The following GMPPB variants were observed in gnomAD, a reference collection of about 807,000 sequenced individuals.
GMPPB encodes the protein GDP-mannose pyrophosphorylase B.
Under a neutral mutation model 40.3 loss-of-function variants are expected in GMPPB, and 38 were observed. The ratio of observed to expected loss-of-function variants is 0.94; its 90% CI spans 0.73 to 1.24. The LOEUF (loss-of-function observed/expected upper bound fraction) is 1.24. GMPPB is among the 50% of genes most tolerant of loss of function. The probability of loss-of-function intolerance (pLI) is 0.00; values close to 1 mark genes in which losing one functional copy is unlikely to be tolerated. For synonymous variants in GMPPB, 193 were observed against 191.8 expected (o/e 1.01, Z -0.05); for missense variants, 436 against 487.1 (o/e 0.90, Z 0.99).
chr3:49,723,529 C>T (rs1465812322), intron 1 of GMPPB, 57 bp from the exon 2 acceptor site: 5 of 1,611,256 alleles, frequency 3.1e-6, no homozygotes, highest in Admixed American at 1.7e-5. Context: ...AGCCCCTGAC[C>T]CCTAGTCGCT....
chr3:49,721,269 G>C lies in GMPPB; in HGVS notation c.*483C>G. On this transcript the variant is annotated 3_prime_UTR_variant, in exon 9 of 9. Transcript: ENST00000308388. ...TCGTGTCTGTAGAGGACTGGGAGAA[G>C]GGAGCCAATACGAGTACTACCTCCT... 6.2e-7 allele frequency: 1 copy of C among 1,614,194 alleles called. No homozygotes were observed. The highest frequency in any genetic ancestry group is 1.6e-4 in the Middle Eastern group (1 of 6,062).
rs1559696022 is a variant in GMPPB, at chr3:49,721,763, T to TA, written c.1071dup (p.Ile358TyrfsTer25). 1 of 1,602,990 alleles carries TA rather than the reference T, an allele frequency of 6.2e-7. No homozygotes were observed. The highest frequency in any genetic ancestry group is 1.7e-5 in the Admixed American group (1 of 59,824). On this transcript the variant is annotated frameshift_variant, in exon 9 of 9. Transcript: ENST00000308388. LOFTEE classifies it high-confidence loss of function. ...CCCACTGCATCCCCTCACATGATGATACGAGGCTCTGGCACTGACTCGCCA... is the reference window on the plus strand; with the variant it reads ...CCCACTGCATCCCCTCACATGATGATAACGAGGCTCTGGCACTGACTCGCCA...
chr3:49,721,062 C>G lies in GMPPB; in HGVS notation c.*690G>C. ...CCTCTGCCCCATCTGCTATGCCCAC[C>G]CCATCTCTGCTGTGTTCCAGCCCTG... is the stretch of plus-strand genomic sequence containing the variant. On this transcript the variant is annotated 3_prime_UTR_variant, in exon 9 of 9. Transcript: ENST00000308388. 6.2e-7 allele frequency: 1 copy of G among 1,613,884 alleles called. No individual in the cohort carries two copies. The highest frequency in any genetic ancestry group is 8.5e-7 in the Non-Finnish European group (1 of 1,179,882).
chr3:49,721,525 A>T lies in GMPPB; in HGVS notation c.*227T>A, dbSNP rs753981644. ...ACAGTGAGCATTAAATTATTATTCC[A>T]TACAGCCCTGGCCCTGGCCCTTCTT... On this transcript the variant is annotated 3_prime_UTR_variant, in exon 9 of 9. Coordinates refer to ENST00000308388, the MANE Select transcript of GMPPB (RefSeq NM_021971.4). 88 of 815,750 alleles carry T rather than the reference A, an allele frequency of 1.1e-4. No homozygotes were observed. Among genetic ancestry groups the T allele is most frequent in the Non-Finnish European group, 1.7e-4 (81 of 483,200 alleles). The allele number at this position is 815,750 out of a possible 1,614,324, so 50.5% of individuals were successfully genotyped here. A position where few individuals can be genotyped will look rare whatever the true frequency, so the allele number is the denominator to read the frequency against.
chr3:49,721,720 A>C lies in GMPPB; in HGVS notation c.*32T>G. On this transcript the variant is annotated 3_prime_UTR_variant, in exon 9 of 9. Transcript: ENST00000308388. ...CCAGCACTCCCCTTGCTGATGGGAA[A>C]ACCGGGGCTCGGCCAGCCCCACTGC... 1 of 1,567,638 alleles carries C rather than the reference A, an allele frequency of 6.4e-7. No individual in the cohort carries two copies. The highest frequency in any genetic ancestry group is 8.6e-7 in the Non-Finnish European group (1 of 1,161,000).
rs1198763380 is a variant in GMPPB, at chr3:49,723,941, G to A, written c.-215C>T. ...CGCGACACCGGGTAGACGGCTGCTG[G>A]CCCCGAACTCAGGCCGGACCCGGCG... On this transcript the variant is annotated 5_prime_UTR_variant, in exon 1 of 9. Transcript: ENST00000308388. The A allele has an allele frequency of 8.4e-6, 4 of 475,742 alleles. No individual in the cohort carries two copies. In the East Asian group the frequency reaches 1.1e-4, roughly 12 times the overall value. 29.5% of individuals were successfully genotyped at this position (475,742 alleles called of 1,614,324 possible).
At position 49,721,897 on chromosome 3, in the gene GMPPB, T is replaced by C. The variant is rs747845961; in HGVS notation, c.952-14A>G. On this transcript the variant is annotated splice_polypyrimidine_tract_variant and intron_variant, in intron 8 of 8. Coordinates refer to ENST00000308388, the MANE Select transcript of GMPPB (RefSeq NM_021971.4). ...CTCCATGCGTACCTCCAGGAGAGGA[T>C]AGGCCTTGTCAGGGAGGCAGGCACA... The C allele has an allele frequency of 7.3e-5, 118 of 1,613,828 alleles. No individual in the cohort carries two copies. The highest frequency in any genetic ancestry group is 1.6e-4 in the Middle Eastern group (1 of 6,084).
chr3:49,723,538 C>T lies in GMPPB; in HGVS notation c.129+60G>A, dbSNP rs2080458819. 2.5e-6 allele frequency: 4 copies of T among 1,610,852 alleles called. No homozygotes were observed. The Admixed American group carries it at 5.0e-5, about 20-fold the overall frequency. Reference sequence around the variant, plus strand: ...TACGGGAGCCCCTGACCCCTAGTCGCTGGCCATCCCTAGTCCCGCCAGATC... The same window carrying T: ...TACGGGAGCCCCTGACCCCTAGTCGTTGGCCATCCCTAGTCCCGCCAGATC... On this transcript the variant is annotated intron_variant, in intron 1 of 8. Transcript: ENST00000308388.
rs1406668285 is a variant in GMPPB, at chr3:49,723,035, G to A, written c.339C>T (p.Cys113=). Residue 113 remains cysteine, a synonymous_variant, in exon 4 of 9, where the codon TGC becomes TGT. Transcript: ENST00000308388. ...GCACCATGGCTTGGAAGGGGAAATCGCAGATCACGTCACTGTTGAGGACGA... is the reference window on the plus strand; with the variant it reads ...GCACCATGGCTTGGAAGGGGAAATCACAGATCACGTCACTGTTGAGGACGA... The part of the protein sequence containing the change: ...PFFVLNSDVI[C]DFPFQAMVQF... 10 of 1,613,384 alleles carry A rather than the reference G, an allele frequency of 6.2e-6. No individual in the cohort carries two copies. The highest frequency in any genetic ancestry group is 7.6e-6 in the Non-Finnish European group (9 of 1,179,644).
At position 49,720,809 on chromosome 3, in the gene GMPPB, A is replaced by T; in HGVS notation, c.*943T>A. 1.2e-6 allele frequency: 2 copies of T among 1,614,202 alleles called. No homozygotes were observed. Among genetic ancestry groups the T allele is most frequent in the Non-Finnish European group, 8.5e-7 (1 of 1,180,034 alleles). ...ACCTACCACTCCCCAGATGCGGATT[A>T]TATCAGTGCCGATGAGCTGGCCCAA... is the stretch of plus-strand genomic sequence containing the variant. On this transcript the variant is annotated 3_prime_UTR_variant, in exon 9 of 9. Coordinates refer to ENST00000308388, the MANE Select transcript of GMPPB (RefSeq NM_021971.4).
Position 49,721,151 on chromosome 3 carries a change from T to TG in GMPPB, c.*600dup. 6.2e-7 allele frequency: 1 copy of TG among 1,614,088 alleles called. No individual in the cohort carries two copies. Among genetic ancestry groups the TG allele is most frequent in the East Asian group, 2.2e-5 (1 of 44,890 alleles). ...GGTGGTGGGGAGAGCAGTAGGTACA[T>TG]GCAGGGCAGTCCTCATCCCCTCCCC... is the stretch of plus-strand genomic sequence containing the variant. On this transcript the variant is annotated 3_prime_UTR_variant, in exon 9 of 9. Transcript: ENST00000308388.
At position 49,721,558 on chromosome 3, in the gene GMPPB, T is replaced by C; in HGVS notation, c.*194A>G. 1 of 785,504 alleles carries C rather than the reference T, an allele frequency of 1.3e-6. No individual in the cohort carries two copies. The allele number at this position is 785,504 out of a possible 1,614,324, so 48.7% of individuals were successfully genotyped here. A position where few individuals can be genotyped will look rare whatever the true frequency, so the allele number is the denominator to read the frequency against. On this transcript the variant is annotated 3_prime_UTR_variant, in exon 9 of 9. Transcript: ENST00000308388. ...CTGGCCCTGGCCCTTCTTGAGGGAG[T>C]GGGGTTTGTGGGGTGTGCCCAGCAG...
intron 7 of GMPPB, 22 bp from the exon 8 acceptor site, chr3:49,722,169 C>G (rs1251073831): frequency 1.9e-6 from 3 of 1,606,542 alleles, no homozygotes; most frequent in East Asian, 2.2e-5. Context: ...GGGAAAAATA[C>G]AAGTGGGCCA....
chr3:49,720,978 A>C lies in GMPPB; in HGVS notation c.*774T>G. On this transcript the variant is annotated 3_prime_UTR_variant, in exon 9 of 9. Coordinates refer to ENST00000308388, the MANE Select transcript of GMPPB (RefSeq NM_021971.4). ...AGGCACAACGGACATCCACATAGCC[A>C]GGCATCCAACTCCAGCCCACCCTTC... 1 of 1,608,084 alleles carries C rather than the reference A, an allele frequency of 6.2e-7. No individual in the cohort carries two copies. Among genetic ancestry groups the C allele is most frequent in the Non-Finnish European group, 8.5e-7 (1 of 1,175,046 alleles).
rs1438751309 is a variant in GMPPB at position 49,720,941 on chromosome 3, G to A, written c.*811C>T. The A allele has an allele frequency of 6.2e-7, 1 of 1,610,228 alleles. No individual in the cohort carries two copies. Among genetic ancestry groups the A allele is most frequent in the Admixed American group, 1.7e-5 (1 of 59,998 alleles). Reference sequence around the variant, plus strand: ...AGGTCCATGCCACTTGAATATGTGTGCACTCCTACACAGGCACAACGGACA... The same window carrying A: ...AGGTCCATGCCACTTGAATATGTGTACACTCCTACACAGGCACAACGGACA... On this transcript the variant is annotated 3_prime_UTR_variant, in exon 9 of 9. Transcript: ENST00000308388.
In GMPPB at chr3:49,720,843, G is replaced by C; in HGVS notation, c.*909C>G. ...CCGATGAGCTGGCCCAAGTGGAACA[G>C]ATGCTGGCGCACCTGACCTCTGCAT... is the stretch of plus-strand genomic sequence containing the variant. On this transcript the variant is annotated 3_prime_UTR_variant, in exon 9 of 9. Transcript: ENST00000308388. 6.2e-7 allele frequency: 1 copy of C among 1,614,206 alleles called. No individual in the cohort carries two copies.
chr3:49,723,466 C>T lies in GMPPB; in HGVS notation c.136G>A (p.Val46Met), dbSNP rs1175099986. Reference protein sequence around the residue: ...HQVEALAAAGVDHVILAVSYM... With the variant: ...HQVEALAAAGMDHVILAVSYM... ...CTCACGGCCAGGATCACGTGGTCCACGCCTGCCTGTCAGAACGCAGGCCGA... is the reference window on the plus strand; with the variant it reads ...CTCACGGCCAGGATCACGTGGTCCATGCCTGCCTGTCAGAACGCAGGCCGA... The change falls in exon 2 of 9, where the codon GTG becomes ATG. Residue 46 changes from valine (V) to methionine (M), a missense_variant. Coordinates refer to ENST00000308388, the MANE Select transcript of GMPPB (RefSeq NM_021971.4). 2 of 1,613,780 alleles carry T rather than the reference C, an allele frequency of 1.2e-6. No individual in the cohort carries two copies. Among genetic ancestry groups the T allele is most frequent in the South Asian group, 1.1e-5 (1 of 91,090 alleles).
chr3:49,723,902 G>T lies in GMPPB; in HGVS notation c.-176C>A. On this transcript the variant is annotated 5_prime_UTR_variant, in exon 1 of 9. Coordinates refer to ENST00000308388, the MANE Select transcript of GMPPB (RefSeq NM_021971.4). ...TCGCCCTGACGCCGGATCCAGGGCC[G>T]CCACAACACAGAACGCGACACCGGG... 1 of 658,804 alleles carries T rather than the reference G, an allele frequency of 1.5e-6. No individual in the cohort carries two copies. The highest frequency in any genetic ancestry group is 2.4e-6 in the Non-Finnish European group (1 of 408,446). The allele number at this position is 658,804 out of a possible 1,614,324, so 40.8% of individuals were successfully genotyped here.
At position 49,723,948 on chromosome 3, in the gene GMPPB, A is replaced by C; in HGVS notation, c.-222T>G. 1 of 452,562 alleles carries C rather than the reference A, an allele frequency of 2.2e-6. No individual in the cohort carries two copies. Among genetic ancestry groups the C allele is most frequent in the Non-Finnish European group, 3.9e-6 (1 of 259,500 alleles). The allele number at this position is 452,562 out of a possible 1,614,324, so 28.0% of individuals were successfully genotyped here. ...CCGGGTAGACGGCTGCTGGCCCCGA[A>C]CTCAGGCCGGACCCGGCGCGGGCAG... On this transcript the variant is annotated 5_prime_UTR_variant, in exon 1 of 9. Coordinates refer to ENST00000308388, the MANE Select transcript of GMPPB (RefSeq NM_021971.4).
Sources: gnomAD v4.1 joint callset for allele counts on GRCh38, gnomAD v4.1.1 for gene constraint, MANE v1.5 for transcripts, NCBI Gene and HGNC (gene_info 2026-07-23, HGNC 2026-07-21) for gene names.